CCDC88A: variants seen among roughly 807,000 people sequenced by gnomAD.
The protein encoded by CCDC88A is coiled-coil and HOOK domain protein 88A.
Under a neutral mutation model 234.3 loss-of-function variants are expected in CCDC88A, and 54 were observed. The observed-to-expected ratio is 0.23, with a 90% CI of 0.19 to 0.29. The LOEUF is 0.29. CCDC88A is among the 10% of genes least tolerant of loss of function. The pLI, the probability that CCDC88A is intolerant of heterozygous loss-of-function variation, is 1.00. For missense variants in CCDC88A, 1,832 were observed against 2,123.4 expected, an observed-to-expected ratio of 0.86 and a Z score of 2.70; for synonymous variants, 753 against 737.8, an observed-to-expected ratio of 1.02 and a Z score of -0.33.
Position 55,301,297 on chromosome 2 carries a change from G to A in CCDC88A, c.4673-20C>T. ...TAGTATCTACATAAAATAGCAAAAT[G>A]GATATAAAGATATTTTTGTAATAAA... On this transcript the variant is annotated intron_variant, in intron 27 of 32. Coordinates refer to ENST00000436346, the MANE Select transcript of CCDC88A (RefSeq NM_001365480.1). The A allele has an allele frequency of 2.4e-6, 3 of 1,271,754 alleles. No individual in the cohort carries two copies. Among genetic ancestry groups the A allele is most frequent in the East Asian group, 2.4e-5 (1 of 41,924 alleles). 78.8% of individuals were successfully genotyped at this position (1,271,754 alleles called of 1,614,324 possible). A position where few individuals can be genotyped will look rare whatever the true frequency, so the allele number is the denominator to read the frequency against.
At chr2:55,338,083 T>C (rs900171961) in intron 13 of CCDC88A, among the ~76,000 whole-genome samples, 3 of 152,304 alleles carry the variant, frequency 2.0e-5, no homozygotes, top group Middle Eastern at 3.4e-3. Context: ...AAAAAAATCA[T>C]TTTTACAATT....
intron 3 of CCDC88A, among the ~76,000 whole-genome samples, chr2:55,386,541 G>A (rs1036506452): frequency 2.6e-5 from 4 of 151,260 alleles, no homozygotes; most frequent in Non-Finnish European, 4.4e-5. Context: ...GCATGATCTC[G>A]GCTCACTGCA....
chr2:55,376,177 C>T (rs1327724911), intron 3 of CCDC88A, among the ~76,000 whole-genome samples: 1 of 152,150 alleles, frequency 6.6e-6, no homozygotes, highest in East Asian at 1.9e-4. Context: ...CAACCACTGA[C>T]ACTGATGATA....
At chr2:55,371,732 C>G (rs1672873668) in intron 5 of CCDC88A, among the ~76,000 whole-genome samples, 1 of 152,140 alleles carries the variant, frequency 6.6e-6, no homozygotes, top group Non-Finnish European at 1.5e-5. Context: ...GTGATCCTCC[C>G]ATCTTAGCCT....
chr2:55,303,181 G>C (rs1222042970), intron 25 of CCDC88A, 29 bp from the exon 26 acceptor site: 5 of 1,339,044 alleles, frequency 3.7e-6, no homozygotes, highest in Non-Finnish European at 5.2e-6. Flanking sequence ...AGGAAAAACA[G>C]AAACAGGGAG....
chr2:55,390,598 A>C (rs1264691156), intron 2 of CCDC88A, among the ~76,000 whole-genome samples: 1 of 152,244 alleles, frequency 6.6e-6, no homozygotes, highest in Non-Finnish European at 1.5e-5. Flanking sequence ...AAAACTGGAC[A>C]AAGCATGAAA....
chr2:55,313,768 T>C lies in CCDC88A; in HGVS notation c.3934-1189A>G, dbSNP rs554173841. On this transcript the variant is annotated intron_variant, in intron 22 of 32. Transcript: ENST00000436346. ...CGCAAAAAATAAACATTTTGAAAAA[T>C]TTCAAAAGGTAGAGAAAATCAGGGA... The C allele has an allele frequency of 8.6e-5, 13 of 151,920 alleles. No homozygotes were observed. The East Asian group carries it at 2.5e-3, about 29-fold the overall frequency. The allele number at this position is 151,920 out of a possible 1,614,324, so 9.4% of individuals were successfully genotyped here.
intron 23 of CCDC88A, among the ~76,000 whole-genome samples, chr2:55,311,256 C>T (rs1173181088): frequency 6.6e-6 from 1 of 152,188 alleles, no homozygotes; most frequent in Non-Finnish European, 1.5e-5. Context: ...AAAGGTGGAG[C>T]CCAAGTTGTC....
chr2:55,408,609 C>T (rs566598642), intron 2 of CCDC88A, among the ~76,000 whole-genome samples: 1 of 152,220 alleles, frequency 6.6e-6, no homozygotes, highest in African/African-American at 2.4e-5. Flanking sequence ...GGAAGTTACC[C>T]TATATGGTCT....
chr2:55,304,498 G>C (rs763996548), intron 25 of CCDC88A, among the ~76,000 whole-genome samples: 6 of 151,894 alleles, frequency 4.0e-5, no homozygotes, highest in African/African-American at 1.5e-4. Context: ...CAAAAGATTC[G>C]TTGGGGGAAA....
intron 2 of CCDC88A, among the ~76,000 whole-genome samples, chr2:55,413,511 C>G (rs1435820154): frequency 6.6e-6 from 1 of 152,184 alleles, no homozygotes; most frequent in African/African-American, 2.4e-5. Context: ...CTATGTCTAT[C>G]TGACATAAGG....
chr2:55,307,689 A>G (rs992780243), intron 25 of CCDC88A, among the ~76,000 whole-genome samples: 1 of 149,538 alleles, frequency 6.7e-6, no homozygotes, highest in Non-Finnish European at 1.5e-5. Context: ...GTGTCTCACT[A>G]TGTTGCCCAG....
Position 55,418,834 on chromosome 2 carries a change from T to A in CCDC88A, c.146A>T (p.Asn49Ile). 2 of 1,613,758 alleles carry A rather than the reference T, an allele frequency of 1.2e-6. No homozygotes were observed. The highest frequency in any genetic ancestry group is 1.7e-6 in the Non-Finnish European group (2 of 1,179,658). ...YVALVDGVFLNQVMLQINPKL... is the reference protein window; with the variant it reads ...YVALVDGVFLIQVMLQINPKL... ...AACTTACATTTGGAGCATGACCTGG[T>A]TCAAGAATACCCCATCCACCAAAGC... Residue 49 changes from asparagine to isoleucine, a missense_variant, in exon 2 of 33, where the codon AAC (asparagine) becomes ATC (isoleucine). By Grantham distance (149) the Asn-to-Ile change is moderately radical. Around this residue, in one of 6 missense-constraint regions of CCDC88A, gnomAD observed 5 missense variants for 19.6 expected, o/e 0.25. Transcript: ENST00000436346.
chr2:55,301,239 T>G lies in CCDC88A; in HGVS notation c.4711A>C (p.Ser1571Arg), dbSNP rs998286638. 2 of 1,597,866 alleles carry G rather than the reference T, an allele frequency of 1.3e-6. No individual in the cohort carries two copies. Among genetic ancestry groups the G allele is most frequent in the Admixed American group, 1.7e-5 (1 of 58,988 alleles). Residue 1571 changes from serine to arginine, a missense_variant, in exon 28 of 33, where the codon AGT becomes CGT. Physicochemically the swap from Ser to Arg is moderately radical, Grantham distance 110. Transcript: ENST00000436346. ...SFEDISPQGVSDDSSTGSRVH... is the reference protein window; with the variant it reads ...SFEDISPQGVRDDSSTGSRVH... ...CTTGATCCCGTACTAGAATCATCACTAACACCTTGTGGACTTATGTCTTCA... is the reference window on the plus strand; with the variant it reads ...CTTGATCCCGTACTAGAATCATCACGAACACCTTGTGGACTTATGTCTTCA...
chr2:55,404,708 G>A (rs1679259551), intron 2 of CCDC88A: 1 of 152,168 alleles, frequency 6.6e-6, no homozygotes, highest in Admixed American at 6.6e-5. Context: ...GAAAGAAACT[G>A]TTTTGGGGAC....
In CCDC88A at chr2:55,332,639, A is replaced by T. The variant is rs2104683192; in HGVS notation, c.2782T>A (p.Leu928Ile). ...TQQMNNDLEK[L>I]THELEKIGLN... Reference sequence around the variant, plus strand: ...CCTATCTTCTCAAGCTCATGAGTTAATTTTTCGAGATCATTGTTCATCTGT... The same window carrying T: ...CCTATCTTCTCAAGCTCATGAGTTATTTTTTCGAGATCATTGTTCATCTGT... Residue 928 changes from leucine to isoleucine, a missense_variant, in exon 16 of 33, where the codon TTA becomes ATA. Physicochemically the swap from Leu to Ile is conservative, Grantham distance 5. Around this residue, in one of 6 missense-constraint regions of CCDC88A, gnomAD observed 1,282 missense variants for 1,543.6 expected, o/e 0.83. Transcript: ENST00000436346. The surrounding 1 kb of genome is among the most constrained non-coding windows in gnomAD (Gnocchi z 4.5). 1 of 1,613,564 alleles carries T rather than the reference A, an allele frequency of 6.2e-7. No individual in the cohort carries two copies. Among genetic ancestry groups the T allele is most frequent in the Non-Finnish European group, 8.5e-7 (1 of 1,179,756 alleles).
chr2:55,350,630 A>G (rs1481295434), intron 8 of CCDC88A: 1 of 148,748 alleles, frequency 6.7e-6, no homozygotes, highest in East Asian at 1.9e-4. Flanking sequence ...TATAATGTGT[A>G]TATTATTTAA....
intron 15 of CCDC88A, among the ~76,000 whole-genome samples, chr2:55,333,303 G>C (rs1006395869): frequency 1.3e-5 from 2 of 152,132 alleles, no homozygotes. Context: ...ATAATGCTTA[G>C]AGATGGGAAA....
intron 25 of CCDC88A, among the ~76,000 whole-genome samples, chr2:55,303,724 T>A (rs1010289145): frequency 5.3e-5 from 8 of 152,124 alleles, no homozygotes; most frequent in Admixed American, 1.3e-4. Flanking sequence ...TACAGTCCTA[T>A]AAAAACAGGA....
Sources: allele counts gnomAD v4.1 joint callset (sites outside exome capture counted in the v4.1 genomes callset), GRCh38; gene constraint gnomAD v4.1.1; regional missense constraint gnomAD v4.1.1; non-coding constraint Gnocchi (gnomAD v3.1); transcripts MANE v1.5; gene names NCBI Gene and HGNC (gene_info 2026-07-23, HGNC 2026-07-21).